AHRR: variants seen among roughly 807,000 people sequenced by gnomAD.
AHRR encodes ahR repressor.
A neutral mutation model predicts 44.0 loss-of-function variants in AHRR; 28 were observed. That is an observed-to-expected ratio of 0.64 (90% CI 0.47 to 0.87). The LOEUF (loss-of-function observed/expected upper bound fraction) is 0.87. Among genes scored for constraint, AHRR ranks in the 40% least tolerant of loss-of-function variants. The pLI, the probability that AHRR is intolerant of heterozygous loss-of-function variation, is 0.00. For synonymous variants in AHRR, 434 were observed against 407.0 expected (o/e 1.07, Z -0.80); for missense variants, 990 against 953.9 (o/e 1.04, Z -0.50).
At chr5:345,989 A>AC (rs1313455344) in intron 2 of AHRR, among the ~76,000 whole-genome samples, 6 of 152,186 alleles carry the variant, frequency 3.9e-5, no homozygotes, top group Non-Finnish European at 8.8e-5. Flanking sequence ...TGTGCATCGA[A>AC]CACCAGCATG....
intron 4 of AHRR, among the ~76,000 whole-genome samples, chr5:402,544 G>A (rs1438866884): frequency 3.3e-5 from 5 of 151,990 alleles, no homozygotes; most frequent in Non-Finnish European, 7.4e-5. Flanking sequence ...GTGGAGAGAA[G>A]GGGACCCTCG....
chr5:325,382 G>A (rs1420454718), intron 1 of AHRR, among the ~76,000 whole-genome samples: 7 of 152,198 alleles, frequency 4.6e-5, no homozygotes, highest in Admixed American at 1.3e-4. Context: ...GCTGGGAACC[G>A]TCTCTGGCCT....
chr5:426,462 G>A (rs1057355658), intron 7 of AHRR, among the ~76,000 whole-genome samples: 1 of 151,910 alleles, frequency 6.6e-6, no homozygotes, highest in Non-Finnish European at 1.5e-5. Flanking sequence ...GTGAATGGAT[G>A]GATGGATGGT....
chr5:335,765 C>G (rs1271310798), intron 1 of AHRR, among the ~76,000 whole-genome samples: 1 of 152,232 alleles, frequency 6.6e-6, no homozygotes, highest in Admixed American at 6.5e-5. Context: ...CTGTTGGAGA[C>G]AAAAGCTGAT....
intron 4 of AHRR, among the ~76,000 whole-genome samples, chr5:389,649 G>A (rs374610913): frequency 1.6e-3 from 247 of 152,036 alleles, no homozygotes; most frequent in African/African-American, 5.4e-3. Context: ...CCAGACCAGC[G>A]TCAGAGCACT....
At chr5:365,192 G>A (rs972653854) in intron 3 of AHRR, among the ~76,000 whole-genome samples, 2 of 151,814 alleles carry the variant, frequency 1.3e-5, no homozygotes, top group African/African-American at 2.4e-5. Flanking sequence ...CCAAACTACA[G>A]AATTCACGTA....
rs762929753 is a variant in AHRR, at chr5:434,317, C to T, written c.1577C>T (p.Thr526Met). 4.3e-6 allele frequency: 7 copies of T among 1,610,932 alleles called. No homozygotes were observed. Among genetic ancestry groups the T allele is most frequent in the Admixed American group, 1.7e-5 (1 of 59,784 alleles). Residue 526 changes from threonine (T) to methionine (M), a missense_variant, in exon 11 of 11, where the codon ACG (threonine) becomes ATG (methionine). Physicochemically the swap from Thr to Met is moderately conservative, Grantham distance 81. Transcript: ENST00000684583. ...CCTCCGGGGGACCTGTGTGGTCCGA[C>T]GCTGCTGCTAGATGTGTCCATCAAG... is the stretch of plus-strand genomic sequence containing the variant. ...PMPPGDLCGP[T>M]LLLDVSIKME...
At chr5:384,623 T>C (rs1312598597) in intron 4 of AHRR, among the ~76,000 whole-genome samples, 3 of 152,108 alleles carry the variant, frequency 2.0e-5, no homozygotes, top group Admixed American at 6.5e-5. Flanking sequence ...GGTTTCACCA[T>C]GTTTGCCAGG....
intron 5 of AHRR, among the ~76,000 whole-genome samples, chr5:422,125 C>T (rs1271653762): frequency 6.6e-6 from 1 of 152,168 alleles, no homozygotes; most frequent in Non-Finnish European, 1.5e-5. Flanking sequence ...GCAGTGGTGA[C>T]AGCTGAGTAC....
chr5:398,068 TCCTGACCATCCACGTAGCC>T (rs1734829021), intron 4 of AHRR, among the ~76,000 whole-genome samples: 1 of 39,462 alleles, frequency 2.5e-5, no homozygotes, highest in African/African-American at 1.3e-4. Context: ...TCCACGTAGC[TCCTGACCATCCACGTAGCC>T]CCTGACCATC....
chr5:432,705 G>A (rs1453635480), intron 9 of AHRR, 101 bp from the exon 10 acceptor site: 1 of 1,585,246 alleles, frequency 6.3e-7, no homozygotes, highest in African/African-American at 1.3e-5. Flanking sequence ...GTGCATTTCT[G>A]AGGAGCCGAT....
intron 1 of AHRR, among the ~76,000 whole-genome samples, chr5:339,118 T>C (rs11133981): frequency 0.2 from 30,140 of 152,074 alleles, 3,988 homozygotes; most frequent in African/African-American, 0.37. Context: ...TCTCTCTCTC[T>C]CTTTTTAAGA....
At chr5:365,781 G>T (rs762133086) in intron 3 of AHRR, among the ~76,000 whole-genome samples, 23 of 152,018 alleles carry the variant, frequency 1.5e-4, no homozygotes, top group Non-Finnish European at 2.9e-4. Flanking sequence ...AAAATTCCTA[G>T]AAAATATAAC....
At chr5:374,753 G>A (rs892194631) in intron 3 of AHRR, among the ~76,000 whole-genome samples, 1 of 152,228 alleles carries the variant, frequency 6.6e-6, no homozygotes, top group Non-Finnish European at 1.5e-5. Flanking sequence ...CGCCCCCCAC[G>A]GACACCTTAG....
intron 3 of AHRR, among the ~76,000 whole-genome samples, chr5:375,382 G>A (rs1049622956): frequency 2.0e-5 from 3 of 152,188 alleles, no homozygotes. Context: ...AGGAGTCTAA[G>A]CTCGGCCCAG....
intron 4 of AHRR, among the ~76,000 whole-genome samples, chr5:391,033 A>T (rs1432833091): frequency 7.7e-6 from 1 of 130,472 alleles, no homozygotes; most frequent in African/African-American, 2.9e-5. Flanking sequence ...ACTACCACCC[A>T]GGCAGAACAT....
In AHRR at chr5:432,955, G is replaced by A. The variant is rs1297414652; in HGVS notation, c.1112+8G>A. On this transcript the variant is annotated splice_region_variant and intron_variant, in intron 10 of 10. Transcript: ENST00000684583. ...CCCCAAGGGGGGCTCAGGGTAAGTG[G>A]TGCCAGGCAGCCTCCCCCAGCCCTG... is the stretch of plus-strand genomic sequence containing the variant. 4.4e-6 allele frequency: 7 copies of A among 1,583,098 alleles called. No homozygotes were observed. Among genetic ancestry groups the A allele is most frequent in the Non-Finnish European group, 6.0e-6 (7 of 1,163,958 alleles).
intron 3 of AHRR, 51 bp from the exon 4 acceptor site, chr5:376,559 T>TGAATGAATGAGAACCGTGGGGTGACCGC (rs1423034523): frequency 4.2e-6 from 1 of 236,258 alleles, no homozygotes; most frequent in Non-Finnish European, 7.7e-6. Context: ...TGAAGAAGAG[T>TGAATGAATGAGAACCGTGGGGTGACCGC]GGCCAGGCCA....
rs1331454826 is a variant in AHRR at position 395,853 on chromosome 5, A to G, written c.352-17491A>G. ...GAGAGGATTGAGTGAGGGGAACAGG[A>G]GGTGAAGCAAAAGGGATGAGCGTCC... On this transcript the variant is annotated intron_variant, in intron 4 of 10. Coordinates refer to ENST00000684583, the MANE Select transcript of AHRR (RefSeq NM_001377236.1). This position sits in a 1 kb window ranked among gnomAD's most constrained non-coding sequence, Gnocchi z 5.3. Among the ~76,000 whole-genome samples the G allele has an allele frequency of 6.6e-6, 1 of 152,160 alleles. No individual in the cohort carries two copies. Among genetic ancestry groups the G allele is most frequent in the African/African-American group, 2.4e-5 (1 of 41,448 alleles).
Sources: gnomAD v4.1 joint callset for allele counts (sites outside exome capture counted in the v4.1 genomes callset) on GRCh38, gnomAD v4.1.1 for gene constraint, Gnocchi (gnomAD v3.1) non-coding constraint, MANE v1.5 for transcripts, NCBI Gene and HGNC (gene_info 2026-07-23, HGNC 2026-07-21) for gene names.